FER: variants seen among roughly 807,000 people sequenced by gnomAD.
FER encodes FER tyrosine kinase, also known as tyrosine-protein kinase Fer.
A neutral mutation model predicts 111.0 loss-of-function variants in FER; 63 were observed. The ratio of observed to expected loss-of-function variants is 0.57; its 90% CI spans 0.46 to 0.70. The LOEUF (loss-of-function observed/expected upper bound fraction) is 0.70. Among genes scored for constraint, FER ranks in the 30% least tolerant of loss-of-function variants. The pLI is 0.00. For synonymous variants in FER, 327 were observed against 313.9 expected, an observed-to-expected ratio of 1.04 and a Z score of -0.44; for missense variants, 914 against 954.0, an observed-to-expected ratio of 0.96 and a Z score of 0.55.
chr5:108,918,490 CTT>C (rs977392132), intron 10 of FER, among the ~76,000 whole-genome samples: 11 of 135,788 alleles, frequency 8.1e-5, no homozygotes, highest in East Asian at 2.1e-4. Flanking sequence ...TGTGTTTTTT[CTT>C]TTTTTTTTTT....
At chr5:109,023,921 A>G (rs1768293473) in intron 13 of FER, among the ~76,000 whole-genome samples, 1 of 152,152 alleles carries the variant, frequency 6.6e-6, no homozygotes, top group African/African-American at 2.4e-5. Context: ...GAGTAAGAGG[A>G]AGAATGGTTA....
At chr5:109,153,092 A>G (rs1055070031) in intron 17 of FER, among the ~76,000 whole-genome samples, 11 of 151,888 alleles carry the variant, frequency 7.2e-5, no homozygotes, top group African/African-American at 2.7e-4. Context: ...CATTAGCCAC[A>G]GAGTCAAAAT....
chr5:108,972,641 CAG>C (rs1760817506), intron 13 of FER, among the ~76,000 whole-genome samples: 1 of 152,054 alleles, frequency 6.6e-6, no homozygotes, highest in Non-Finnish European at 1.5e-5. Flanking sequence ...TTGTATCTCT[CAG>C]AGTCTTACGT....
At chr5:108,926,490 C>T (rs946966501) in intron 10 of FER, among the ~76,000 whole-genome samples, 1 of 152,122 alleles carries the variant, frequency 6.6e-6, no homozygotes, top group Admixed American at 6.5e-5. Context: ...CTTAGGAAGG[C>T]ATTACATGTA....
intron 16 of FER, among the ~76,000 whole-genome samples, chr5:109,049,291 ATG>A (rs1772418858): frequency 6.6e-6 from 1 of 152,182 alleles, no homozygotes; most frequent in African/African-American, 2.4e-5. Context: ...CAAAATCAGG[ATG>A]TCAGGCTGAG....
chr5:108,787,027 G>A (rs1170983613), intron 2 of FER, among the ~76,000 whole-genome samples: 1 of 152,136 alleles, frequency 6.6e-6, no homozygotes, highest in Non-Finnish European at 1.5e-5. Flanking sequence ...ACTCTGCAGA[G>A]CCAGCAGGGG....
chr5:108,958,711 C>T (rs866911765), intron 12 of FER, among the ~76,000 whole-genome samples: 4 of 151,772 alleles, frequency 2.6e-5, no homozygotes, highest in East Asian at 1.9e-4. Context: ...CTACAGAAAG[C>T]AAACTAATAC....
At chr5:108,762,663 T>C (rs1419464930) in intron 1 of FER, among the ~76,000 whole-genome samples, 1 of 152,192 alleles carries the variant, frequency 6.6e-6, no homozygotes, top group African/African-American at 2.4e-5. Context: ...CTCTGAACTG[T>C]AGTTTAAAAT....
chr5:108,814,857 T>G (rs1030139874), intron 3 of FER, among the ~76,000 whole-genome samples: 1 of 152,178 alleles, frequency 6.6e-6, no homozygotes, highest in Non-Finnish European at 1.5e-5. Flanking sequence ...ATGTTTCTTG[T>G]GTGGTTTTCT....
rs114978386 is a variant in FER at position 109,139,187 on chromosome 5, G to T, written c.2048+38668G>T. Among the ~76,000 whole-genome samples, 452 of 152,146 alleles carry T rather than the reference G, an allele frequency of 3.0e-3. 4 individuals carry two copies. Among genetic ancestry groups the T allele is most frequent in the Non-Finnish European group, 3.7e-3 (252 of 68,004 alleles). ...TAAGTGATTCAAGGATGGTATATAG[G>T]AGTCTCAGGTCTTTTCTTTAATATT... On this transcript the variant is annotated intron_variant, in intron 17 of 19. Transcript: ENST00000281092.
Position 109,053,382 on chromosome 5 carries a change from C to CAA in FER, c.1924+6203_1924+6204dup, listed in dbSNP as rs779550084. 5.8e-3 allele frequency among the ~76,000 whole-genome samples: 466 copies of CAA among 80,048 alleles called. 12 individuals are homozygous for CAA. Among genetic ancestry groups the CAA allele is most frequent in the African/African-American group, 0.017 (362 of 21,486 alleles). 52.5% of individuals were successfully genotyped at this position (80,048 alleles called of 152,430 possible). A position where few individuals can be genotyped will look rare whatever the true frequency, so the allele number is the denominator to read the frequency against. ...TCAGCGAAAGAGTGAGACTCCGTCTCAAAAAAAAAAAAAAAAAAAAGTAAT... is the reference window on the plus strand; with the variant it reads ...TCAGCGAAAGAGTGAGACTCCGTCTCAAAAAAAAAAAAAAAAAAAAAAGTAAT... On this transcript the variant is annotated intron_variant, in intron 16 of 19. Coordinates refer to ENST00000281092, the MANE Select transcript of FER (RefSeq NM_005246.4).
intron 17 of FER, among the ~76,000 whole-genome samples, chr5:109,158,814 C>G (rs866198681): frequency 1.3e-5 from 2 of 152,166 alleles, no homozygotes; most frequent in African/African-American, 4.8e-5. Flanking sequence ...TTAGAATGCT[C>G]TTCCTTTCTG....
chr5:108,823,914 T>C (rs1022262681), intron 3 of FER, among the ~76,000 whole-genome samples: 2 of 152,134 alleles, frequency 1.3e-5, no homozygotes, highest in East Asian at 3.8e-4. Context: ...ATTCAGGTCT[T>C]ATATTTAAGT....
chr5:108,969,539 T>G (rs1760344585), intron 13 of FER, among the ~76,000 whole-genome samples: 1 of 152,184 alleles, frequency 6.6e-6, no homozygotes, highest in South Asian at 2.1e-4. Context: ...GATTACATGT[T>G]TGGGGAGGTG....
At chr5:108,857,946 C>A (rs1287597931) in intron 5 of FER, among the ~76,000 whole-genome samples, 1 of 152,174 alleles carries the variant, frequency 6.6e-6, no homozygotes, top group Non-Finnish European at 1.5e-5. Context: ...CTTCAGGTTC[C>A]ATTTCTCTAT....
At chr5:108,893,749 A>G (rs1748574928) in intron 9 of FER, among the ~76,000 whole-genome samples, 1 of 152,128 alleles carries the variant, frequency 6.6e-6, no homozygotes, top group South Asian at 2.1e-4. Flanking sequence ...AGGAAAGGAA[A>G]AAAAGGCCTT....
At chr5:108,916,992 T>C (rs138976301) in intron 10 of FER, among the ~76,000 whole-genome samples, 1,827 of 152,270 alleles carry the variant, frequency 0.012, 19 homozygotes, top group Non-Finnish European at 0.02. Flanking sequence ...TCTAGTGTGA[T>C]ACAGTATTCT....
intron 13 of FER, among the ~76,000 whole-genome samples, chr5:108,989,136 T>A (rs1300043982): frequency 6.6e-6 from 1 of 152,072 alleles, no homozygotes; most frequent in Non-Finnish European, 1.5e-5. Flanking sequence ...GTTGACCTTT[T>A]AATCTTATTA....
chr5:108,943,127 A>G (rs1756494649), intron 10 of FER, among the ~76,000 whole-genome samples: 1 of 152,140 alleles, frequency 6.6e-6, no homozygotes, highest in Non-Finnish European at 1.5e-5. Context: ...TCATTGGTTC[A>G]TATTCAAAGG....
Sources: allele counts gnomAD v4.1 joint callset (sites outside exome capture counted in the v4.1 genomes callset), GRCh38; gene constraint gnomAD v4.1.1; transcripts MANE v1.5; gene names NCBI Gene and HGNC (gene_info 2026-07-23, HGNC 2026-07-21).